The following AHI1 variants were observed in gnomAD, a reference collection of about 807,000 sequenced individuals.
AHI1 encodes jouberin.
A neutral mutation model predicts 149.3 loss-of-function variants in AHI1; 123 were observed. The ratio of observed to expected loss-of-function variants is 0.82; its 90% CI spans 0.71 to 0.96. The LOEUF (loss-of-function observed/expected upper bound fraction) is 0.96, where lower values mean the gene tolerates loss of function less well. Among genes scored for constraint, AHI1 ranks in the 40% least tolerant of loss-of-function variants. The pLI, the probability that AHI1 is intolerant of heterozygous loss-of-function variation, is 0.00. For synonymous variants in AHI1, 475 were observed against 459.8 expected (o/e 1.03, Z -0.42); for missense variants, 1,439 against 1,422.7 (o/e 1.01, Z -0.18).
intron 15 of AHI1, among the ~76,000 whole-genome samples, chr6:135,435,901 T>C (rs1243124312): frequency 1.3e-5 from 2 of 152,026 alleles, no homozygotes; most frequent in African/African-American, 4.8e-5. Flanking sequence ...AAAGAAATGA[T>C]GGGAAAGAAA....
intron 27 of AHI1, among the ~76,000 whole-genome samples, chr6:135,294,619 A>G (rs1489190491): frequency 6.6e-6 from 1 of 151,298 alleles, no homozygotes; most frequent in African/African-American, 2.4e-5. Context: ...AGCTGATTTC[A>G]GCAAAGGTGC....
At chr6:135,299,678 A>T (rs898714043) in intron 27 of AHI1, among the ~76,000 whole-genome samples, 1 of 152,198 alleles carries the variant, frequency 6.6e-6, no homozygotes, top group African/African-American at 2.4e-5. Flanking sequence ...GTGACTTTTG[A>T]TGGGTACATT....
At chr6:135,480,455 C>T (rs569007387) in intron 5 of AHI1, among the ~76,000 whole-genome samples, 1 of 149,766 alleles carries the variant, frequency 6.7e-6, no homozygotes, top group East Asian at 1.9e-4. Flanking sequence ...AAGACCCTGT[C>T]TTAAAAAAAA....
intron 23 of AHI1, among the ~76,000 whole-genome samples, chr6:135,386,933 CT>C (rs1187130930): frequency 6.6e-6 from 1 of 151,248 alleles, no homozygotes; most frequent in African/African-American, 2.4e-5. Context: ...GGCCTTTTTT[CT>C]TTTTTCTTTT....
At chr6:135,475,516 T>C (rs1277994499) in intron 5 of AHI1, among the ~76,000 whole-genome samples, 1 of 152,224 alleles carries the variant, frequency 6.6e-6, no homozygotes. Flanking sequence ...AACATGTGTT[T>C]TTGCTTTGGG....
Position 135,448,396 on chromosome 6 carries a change from G to T in AHI1, c.1520C>A (p.Ser507Tyr). Reference sequence around the variant, plus strand: ...AAATGCCTCAACAACACTTAATGGGGATCGAGGCTTAGTAGGTGGGTAATA... The same window carrying T: ...AAATGCCTCAACAACACTTAATGGGTATCGAGGCTTAGTAGGTGGGTAATA... ...QLYYPPTKPR[S>Y]PLSVVEAFEW... is the part of the protein sequence containing the mutation. The change falls in exon 12 of 29, where the codon TCC becomes TAC. Residue 507 changes from serine (S) to tyrosine (Y), a missense_variant. Coordinates refer to ENST00000265602, the MANE Select transcript of AHI1 (RefSeq NM_001134831.2). The T allele has an allele frequency of 1.2e-6, 2 of 1,606,598 alleles. No individual in the cohort carries two copies. The highest frequency in any genetic ancestry group is 1.1e-5 in the South Asian group (1 of 89,604).
intron 21 of AHI1, among the ~76,000 whole-genome samples, chr6:135,409,574 A>G (rs1781289170): frequency 6.6e-6 from 1 of 152,084 alleles, no homozygotes; most frequent in African/African-American, 2.4e-5. Flanking sequence ...TTCCCCACTG[A>G]TTTATCTTTC....
intron 28 of AHI1, among the ~76,000 whole-genome samples, chr6:135,287,519 C>A (rs1023930488): frequency 5.9e-5 from 9 of 152,090 alleles, no homozygotes; most frequent in African/African-American, 2.2e-4. Context: ...ACGCTAACAG[C>A]AAAAGGACCT....
intron 20 of AHI1, among the ~76,000 whole-genome samples, chr6:135,419,306 G>C (rs1360603951): frequency 2.0e-5 from 3 of 152,004 alleles, no homozygotes; most frequent in Admixed American, 2.0e-4. Context: ...TGCTCTTGTT[G>C]GTTCCTATTC....
At chr6:135,312,431 T>G (rs1161749901) in intron 26 of AHI1, among the ~76,000 whole-genome samples, 1 of 152,156 alleles carries the variant, frequency 6.6e-6, no homozygotes, top group East Asian at 1.9e-4. Flanking sequence ...TGAGAATTGC[T>G]TGAACTTGGG....
intron 26 of AHI1, chr6:135,307,005 G>T (rs1460209442): frequency 6.6e-6 from 1 of 152,140 alleles, no homozygotes; most frequent in Admixed American, 6.6e-5. Context: ...TATCACTAGG[G>T]AATAGTTCTT....
intron 20 of AHI1, among the ~76,000 whole-genome samples, chr6:135,414,133 G>A (rs1444751126): frequency 6.6e-6 from 1 of 152,102 alleles, no homozygotes; most frequent in Non-Finnish European, 1.5e-5. Context: ...TAAATAAACA[G>A]ATCAACAGAA....
At chr6:135,463,782 C>T (rs1006934785) in intron 7 of AHI1, among the ~76,000 whole-genome samples, 4 of 151,800 alleles carry the variant, frequency 2.6e-5, no homozygotes, top group East Asian at 1.9e-4. Context: ...GACTGGGTTT[C>T]GCGCTGTCGC....
chr6:135,415,428 C>T (rs1782228025), intron 20 of AHI1, among the ~76,000 whole-genome samples: 1 of 152,142 alleles, frequency 6.6e-6, no homozygotes, highest in Non-Finnish European at 1.5e-5. Flanking sequence ...ACAGTCCCAC[C>T]AACAGTGTAA....
At chr6:135,348,563 AAACTT>A (rs915030908) in intron 24 of AHI1, among the ~76,000 whole-genome samples, 22 of 152,164 alleles carry the variant, frequency 1.4e-4, no homozygotes, top group African/African-American at 4.6e-4. Context: ...TTAAAAATAA[AAACTT>A]AAATTGCCTG....
intron 21 of AHI1, among the ~76,000 whole-genome samples, chr6:135,408,859 C>T (rs1353707694): frequency 2.0e-5 from 3 of 152,100 alleles, no homozygotes; most frequent in Non-Finnish European, 4.4e-5. Flanking sequence ...GATGCTTAGG[C>T]TTCTTACTAC....
intron 5 of AHI1, among the ~76,000 whole-genome samples, chr6:135,471,943 C>T (rs1051441214): frequency 3.0e-5 from 4 of 132,108 alleles, no homozygotes; most frequent in South Asian, 2.4e-4. Flanking sequence ...ACCTGGGAAG[C>T]GGAGCTTGCA....
At chr6:135,296,225 CTT>C (rs1329097344) in intron 27 of AHI1, among the ~76,000 whole-genome samples, 1 of 152,198 alleles carries the variant, frequency 6.6e-6, no homozygotes, top group Non-Finnish European at 1.5e-5. Flanking sequence ...AATCTGACCT[CTT>C]TTCACTAACT....
intron 5 of AHI1, among the ~76,000 whole-genome samples, chr6:135,487,672 G>A (rs1313585439): frequency 2.0e-5 from 3 of 151,874 alleles, no homozygotes; most frequent in East Asian, 3.9e-4. Context: ...CTTTTATGTT[G>A]GGAACATAAA....
Sources: gnomAD v4.1 joint callset for allele counts (sites outside exome capture counted in the v4.1 genomes callset) on GRCh38, gnomAD v4.1.1 for gene constraint, MANE v1.5 for transcripts, NCBI Gene and HGNC (gene_info 2026-07-23, HGNC 2026-07-21) for gene names.